The following TENM3 variants were observed in gnomAD, a reference collection of about 807,000 sequenced individuals.
TENM3 encodes teneurin transmembrane protein 3, also known as teneurin-3.
A neutral mutation model predicts 255.1 loss-of-function variants in TENM3; 63 were observed. That is an observed-to-expected ratio of 0.25 (90% CI 0.20 to 0.30). TENM3 has a LOEUF of 0.30. Among genes scored for constraint, TENM3 ranks in the 10% least tolerant of loss-of-function variants. TENM3 has a pLI of 1.00. For missense variants in TENM3, 2,929 were observed against 3,461.1 expected (o/e 0.85, Z 3.86); for synonymous variants, 1,306 against 1,322.3 (o/e 0.99, Z 0.27).
the TENM3 span, among the ~76,000 whole-genome samples, chr4:181,894,919 A>G: frequency 6.6e-6 from 1 of 152,142 alleles, no homozygotes; most frequent in Non-Finnish European, 1.5e-5. Flanking sequence ...TATAAACATG[A>G]AAAATATTAG....
At chr4:182,348,239 A>G (rs1764957511) in intron 3 of TENM3, among the ~76,000 whole-genome samples, 1 of 152,166 alleles carries the variant, frequency 6.6e-6, no homozygotes, top group South Asian at 2.1e-4. Flanking sequence ...AAAAGAAGAA[A>G]CAAGGACAGT....
the TENM3 span, among the ~76,000 whole-genome samples, chr4:182,006,031 C>G: frequency 6.6e-6 from 1 of 152,132 alleles, no homozygotes; most frequent in Non-Finnish European, 1.5e-5. Context: ...ACTTGACTTC[C>G]TCTTTTCCTA....
chr4:182,234,011 G>A (rs1232307956), intron 1 of TENM3, among the ~76,000 whole-genome samples: 4 of 152,164 alleles, frequency 2.6e-5, no homozygotes, highest in Non-Finnish European at 5.9e-5. Flanking sequence ...GTTGTGACAC[G>A]AGTGGTTGAT....
chr4:182,426,484 A>C (rs947622962), intron 3 of TENM3, among the ~76,000 whole-genome samples: 8 of 152,214 alleles, frequency 5.3e-5, no homozygotes, highest in African/African-American at 1.9e-4. Context: ...CATAAATATA[A>C]AGAAAAATGT....
intron 4 of TENM3, among the ~76,000 whole-genome samples, chr4:182,616,275 T>A (rs1223501594): frequency 2.0e-5 from 3 of 151,492 alleles, no homozygotes; most frequent in African/African-American, 7.3e-5. Context: ...TTACCACCTA[T>A]GAGTGAGAAT....
intron 2 of TENM3, among the ~76,000 whole-genome samples, chr4:182,326,942 A>T (rs1041044596): frequency 1.3e-5 from 2 of 152,162 alleles, no homozygotes; most frequent in Non-Finnish European, 2.9e-5. Flanking sequence ...TGATTCTGTA[A>T]TTGGGTGAAT....
chr4:181,570,035 CTTTTTTT>C, the TENM3 span, among the ~76,000 whole-genome samples: 2 of 113,874 alleles, frequency 1.8e-5, no homozygotes, highest in African/African-American at 6.9e-5. Flanking sequence ...ACAAATGTTT[CTTTTTTT>C]TTTTTTTTTT....
chr4:182,163,394 A>G (rs1180104496), intron 1 of TENM3, among the ~76,000 whole-genome samples: 1 of 152,066 alleles, frequency 6.6e-6, no homozygotes, highest in African/African-American at 2.4e-5. Context: ...CCCGCCTCCC[A>G]TCTCTTAGGT....
intron 5 of TENM3, among the ~76,000 whole-genome samples, chr4:182,648,692 A>G (rs1752980542): frequency 6.6e-6 from 1 of 152,210 alleles, no homozygotes; most frequent in African/African-American, 2.4e-5. Context: ...GCAGCACTCC[A>G]GAAACCTCTA....
chr4:181,703,588 G>A, the TENM3 span, among the ~76,000 whole-genome samples: 1 of 152,144 alleles, frequency 6.6e-6, no homozygotes, highest in East Asian at 1.9e-4. Flanking sequence ...CAGGGTCACT[G>A]TGTTTCCTGC....
the TENM3 span, chr4:181,819,952 T>C: frequency 2.0e-5 from 3 of 152,090 alleles, no homozygotes; most frequent in African/African-American, 7.2e-5. Context: ...CAATATTGCC[T>C]TTTCAGTTTC....
chr4:181,726,350 C>T, the TENM3 span, among the ~76,000 whole-genome samples: 3 of 152,116 alleles, frequency 2.0e-5, no homozygotes, highest in African/African-American at 7.2e-5. Context: ...TCTGCTGTTC[C>T]AGGCCTGTAA....
intron 3 of TENM3, among the ~76,000 whole-genome samples, chr4:182,419,910 G>C (rs1042416987): frequency 6.6e-6 from 1 of 151,646 alleles, no homozygotes; most frequent in African/African-American, 2.4e-5. Context: ...GGAGATATAC[G>C]TAATGTAAAT....
At chr4:182,307,315 A>G (rs1432965033) in intron 1 of TENM3, among the ~76,000 whole-genome samples, 2 of 152,160 alleles carry the variant, frequency 1.3e-5, no homozygotes, top group African/African-American at 4.8e-5. Flanking sequence ...CAAAATAATC[A>G]TCGTAATCTG....
chr4:182,648,213 C>T (rs1465858671), intron 5 of TENM3, among the ~76,000 whole-genome samples: 4 of 151,764 alleles, frequency 2.6e-5, no homozygotes, highest in Admixed American at 6.6e-5. Flanking sequence ...CCACTTTTAG[C>T]GAAGATTTAG....
the TENM3 span, among the ~76,000 whole-genome samples, chr4:181,861,128 T>C: frequency 3.3e-5 from 5 of 152,208 alleles, no homozygotes; most frequent in African/African-American, 7.2e-5. Flanking sequence ...GAAAATACGT[T>C]ATTATCTTTT....
chr4:182,266,444 C>G (rs1298204372), intron 1 of TENM3, among the ~76,000 whole-genome samples: 1 of 152,052 alleles, frequency 6.6e-6, no homozygotes, highest in Non-Finnish European at 1.5e-5. Context: ...GGGTATTATT[C>G]AGTTTTTCTG....
rs34575496 is a variant in TENM3, at chr4:182,631,943, GA to G, written c.988+3055del. 5.5e-3 allele frequency among the ~76,000 whole-genome samples: 835 copies of G among 152,222 alleles called. 3 individuals are homozygous for G. The highest frequency in any genetic ancestry group is 8.9e-3 in the Non-Finnish European group (602 of 68,002). ...GAACAGCTTCTGAAAGAGAGGCAAG[GA>G]GGGAGGGAGGGAGGTGGACAGGCTT... On this transcript the variant is annotated intron_variant, in intron 5 of 27. Transcript: ENST00000511685.
the TENM3 span, among the ~76,000 whole-genome samples, chr4:181,548,484 A>G: frequency 1.3e-5 from 2 of 151,986 alleles, no homozygotes; most frequent in Non-Finnish European, 2.9e-5. Flanking sequence ...TGCAGCCATA[A>G]AAAAATGATA....
Sources: gnomAD v4.1 joint callset for allele counts (sites outside exome capture counted in the v4.1 genomes callset) on GRCh38, gnomAD v4.1.1 for gene constraint, MANE v1.5 for transcripts, NCBI Gene and HGNC (gene_info 2026-07-23, HGNC 2026-07-21) for gene names.